Variants in SLC24A1 observed in about 807,000 individuals in gnomAD.
The protein encoded by SLC24A1 is sodium/potassium/calcium exchanger 1.
A neutral mutation model predicts 88.1 loss-of-function variants in SLC24A1; 52 were observed. That is an observed-to-expected ratio of 0.59 (90% CI 0.47 to 0.74). SLC24A1 has a LOEUF of 0.74. SLC24A1 is among the 30% of genes least tolerant of loss of function. SLC24A1 has a pLI of 0.00. For synonymous variants in SLC24A1, 455 were observed against 498.0 expected (o/e 0.91, Z 1.15); for missense variants, 1,173 against 1,363.3 (o/e 0.86, Z 2.20).
At chr15:65,647,633 T>C (rs2075350800) in intron 6 of SLC24A1, among the ~76,000 whole-genome samples, 1 of 152,108 alleles carries the variant, frequency 6.6e-6, no homozygotes, top group South Asian at 2.1e-4. Flanking sequence ...GCTGGGGCTA[T>C]TAGGAGTGAC....
rs779978590 is a variant in SLC24A1 at position 65,625,642 on chromosome 15, G to A, written c.1562G>A (p.Ser521Asn). ...CTCATCGGTGTCTTCATTTCCCACA[G>A]CAACGTGGGCATTGGTACCATTGTG... ...TSLIGVFISH[S>N]NVGIGTIVGS... The change falls in exon 2 of 10, where the codon AGC (serine) becomes AAC (asparagine). Residue 521 changes from serine (S) to asparagine (N), a missense_variant. Physicochemically the swap from Ser to Asn is conservative, Grantham distance 46 (BLOSUM62 1). Transcript: ENST00000261892. 21 of 1,613,996 alleles carry A rather than the reference G, an allele frequency of 1.3e-5. No homozygotes were observed. The East Asian group carries it at 3.3e-4, about 26-fold the overall frequency.
chr15:65,657,343 T>C (rs1300114547), downstream of SLC24A1, among the ~76,000 whole-genome samples: 4 of 151,986 alleles, frequency 2.6e-5, no homozygotes, highest in Non-Finnish European at 5.9e-5. Context: ...CACAGAATAG[T>C]AAATAATCAG....
At chr15:65,647,574 G>GTGGC (rs2075348803) in intron 6 of SLC24A1, among the ~76,000 whole-genome samples, 1 of 151,906 alleles carries the variant, frequency 6.6e-6, no homozygotes, top group Non-Finnish European at 1.5e-5. Context: ...CCAACTGGTT[G>GTGGC]TGGCTGGCTG....
chr15:65,651,205 T>C (rs2075493166), intron 7 of SLC24A1, among the ~76,000 whole-genome samples: 3 of 152,174 alleles, frequency 2.0e-5, no homozygotes, highest in Admixed American at 6.5e-5. Flanking sequence ...CCTCTTTGAC[T>C]CCTATCTCAG....
At chr15:65,660,373 C>G (rs2141788667), downstream of SLC24A1, 1 of 1,384,844 alleles carries the variant, frequency 7.2e-7, no homozygotes, top group Admixed American at 2.0e-5. Context: ...TTCTAAGTCT[C>G]AGGACTCCAA....
At chr15:65,660,090 A>G, downstream of SLC24A1, 1 of 497,924 alleles carries the variant, frequency 2.0e-6, no homozygotes, top group Non-Finnish European at 3.5e-6. Flanking sequence ...CAACTTTCAA[A>G]TGATTTAAAG....
At chr15:65,614,098 A>T (rs1224463945) in intron 2 of SLC24A1, among the ~76,000 whole-genome samples, 2 of 152,178 alleles carry the variant, frequency 1.3e-5, no homozygotes, top group South Asian at 2.1e-4. Context: ...AAATTTTATT[A>T]TGGAAATTTT....
chr15:65,642,967 T>G (rs1340530526), intron 4 of SLC24A1: 1 of 1,285,520 alleles, frequency 7.8e-7, no homozygotes, highest in Admixed American at 2.3e-5. Flanking sequence ...ACTCGGACCC[T>G]CTGGGATGCC....
chr15:65,651,060 G>T (rs769687580), intron 7 of SLC24A1, 118 bp downstream of exon 7: 40 of 831,524 alleles, frequency 4.8e-5, no homozygotes, highest in South Asian at 7.6e-5. Flanking sequence ...GCTTATCAGG[G>T]CTCCACCATT....
At chr15:65,623,321 A>G (rs1215273853) in intron 1 of SLC24A1, among the ~76,000 whole-genome samples, 1 of 152,142 alleles carries the variant, frequency 6.6e-6, no homozygotes, top group Non-Finnish European at 1.5e-5. Context: ...CCAGGATGAC[A>G]CAGCTGGTAA....
chr15:65,655,957 A>G lies in SLC24A1; in HGVS notation c.*1878A>G, dbSNP rs2075669956. Reference sequence around the variant, plus strand: ...ATGAAGAGTATGGAATCATGTTCCAATTCTATATTCTTAATTATCCTTATT... The same window carrying G: ...ATGAAGAGTATGGAATCATGTTCCAGTTCTATATTCTTAATTATCCTTATT... On this transcript the variant is annotated 3_prime_UTR_variant, in exon 10 of 10. Coordinates refer to ENST00000261892, the MANE Select transcript of SLC24A1 (RefSeq NM_004727.3). 9 of 985,146 alleles carry G rather than the reference A, an allele frequency of 9.1e-6. No individual in the cohort carries two copies. The highest frequency in any genetic ancestry group is 1.1e-5 in the Non-Finnish European group (9 of 829,768). 61.0% of individuals were successfully genotyped at this position (985,146 alleles called of 1,614,324 possible).
intron 2 of SLC24A1, among the ~76,000 whole-genome samples, chr15:65,615,207 A>AAAACAAAC (rs540023763): frequency 8.6e-5 from 13 of 151,994 alleles, no homozygotes; most frequent in African/African-American, 3.1e-4. Flanking sequence ...CTTATCTCTA[A>AAAACAAAC]AAACAAACAA....
Position 65,624,338 on chromosome 15 carries a change from G to C in SLC24A1, c.258G>C (p.Met86Ile), listed in dbSNP as rs74587373. The change falls in exon 2 of 10, where the codon ATG becomes ATC. Residue 86 changes from methionine to isoleucine, a missense_variant. By Grantham distance (10) the Met-to-Ile change is conservative. Transcript: ENST00000261892. The stretch of plus-strand genomic sequence containing the variant: ...GCCCTTCAAAACCTAGCTCCGAAAT[G>C]GGGGGTAAGATGCTGGTACCCCAAG... ...SSSPSKPSSE[M>I]GGKMLVPQAS... The C allele has an allele frequency of 2.1e-5, 34 of 1,613,536 alleles. No homozygotes were observed. The highest frequency in any genetic ancestry group is 2.8e-5 in the Non-Finnish European group (33 of 1,179,768).
At chr15:65,623,697 A>G (rs1438199625) in intron 1 of SLC24A1, among the ~76,000 whole-genome samples, 4 of 152,092 alleles carry the variant, frequency 2.6e-5, no homozygotes, top group African/African-American at 9.7e-5. Flanking sequence ...TGGACTCCAT[A>G]GTGCACTCAG....
In SLC24A1 at chr15:65,625,305, C is replaced by A. The variant is rs1400808532; in HGVS notation, c.1225C>A (p.Pro409Thr). 3 of 1,614,030 alleles carry A rather than the reference C, an allele frequency of 1.9e-6. No individual in the cohort carries two copies. The highest frequency in any genetic ancestry group is 2.7e-5 in the African/African-American group (2 of 75,054). ...CCCAGCCATGCTCACCACTCCCTCC[C>A]CAAGCCTCACAACAGCCCTGCTCCC... ...PTPAMLTTPSPSLTTALLPEE... is the reference protein window; with the variant it reads ...PTPAMLTTPSTSLTTALLPEE... The change falls in exon 2 of 10, where the codon CCA becomes ACA. Residue 409 changes from proline to threonine, a missense_variant. By Grantham distance (38) the Pro-to-Thr change is conservative. Coordinates refer to ENST00000261892, the MANE Select transcript of SLC24A1 (RefSeq NM_004727.3).
intron 8 of SLC24A1, chr15:65,652,351 G>T: frequency 3.0e-6 from 1 of 331,610 alleles, no homozygotes; most frequent in Non-Finnish European, 5.6e-6. Flanking sequence ...GGGGAGGTAG[G>T]GGTGTTAAGA....
At chr15:65,613,480 TTGTGTGTGTG>T (rs35141100) in intron 2 of SLC24A1, among the ~76,000 whole-genome samples, 1 of 149,018 alleles carries the variant, frequency 6.7e-6, no homozygotes, top group African/African-American at 2.5e-5. Context: ...CAGGGTGATT[TTGTGTGTGTG>T]TGTGTGTGTG....
rs928257160 is a variant in SLC24A1, at chr15:65,628,519, C to T, written c.1890+2549C>T. Among the ~76,000 whole-genome samples, 7 of 152,202 alleles carry T rather than the reference C, an allele frequency of 4.6e-5. No individual in the cohort carries two copies. In the East Asian group the frequency reaches 1.2e-3, roughly 25 times the overall value. ...GTCAGGGGTTGAGAATCCATGCTTA[C>T]GGAGAGCCTATTCCATACATACATT... On this transcript the variant is annotated intron_variant, in intron 2 of 9. Coordinates refer to ENST00000261892, the MANE Select transcript of SLC24A1 (RefSeq NM_004727.3).
chr15:65,616,364 A>G (rs951914793), intron 2 of SLC24A1, among the ~76,000 whole-genome samples: 13 of 152,094 alleles, frequency 8.5e-5, no homozygotes, highest in African/African-American at 3.1e-4. Flanking sequence ...AAGCATTCCT[A>G]TTTCTCCACA....
Sources: allele counts gnomAD v4.1 joint callset (sites outside exome capture counted in the v4.1 genomes callset), GRCh38; gene constraint gnomAD v4.1.1; transcripts MANE v1.5; gene names NCBI Gene and HGNC (gene_info 2026-07-23, HGNC 2026-07-21).